SFI1: variants seen among roughly 807,000 people sequenced by gnomAD.
The protein encoded by SFI1 is protein SFI1 homolog.
Under a neutral mutation model 207.5 loss-of-function variants are expected in SFI1, and 195 were observed. That is an observed-to-expected ratio of 0.94 (90% confidence interval 0.84 to 1.06). The LOEUF (loss-of-function observed/expected upper bound fraction) is 1.06. SFI1 is among the 50% of genes least tolerant of loss of function. The pLI, the probability that SFI1 is intolerant of heterozygous loss-of-function variation, is 0.00. For missense variants in SFI1, 1,634 were observed against 1,588.0 expected (o/e 1.03, Z -0.49); for synonymous variants, 630 against 598.9 (o/e 1.05, Z -0.76).
At chr22:31,606,672 G>C (rs1258678201) in intron 21 of SFI1, 8 of 272,450 alleles carry the variant, frequency 2.9e-5, no homozygotes, top group Non-Finnish European at 4.1e-5. Context: ...GTTCTTATCA[G>C]AACCAGTATT....
intron 8 of SFI1, among the ~76,000 whole-genome samples, chr22:31,565,918 C>T (rs2062248112): frequency 6.6e-6 from 1 of 152,038 alleles, no homozygotes; most frequent in Admixed American, 6.6e-5. Context: ...GTTCTTACAC[C>T]TTGGCTTCTT....
At chr22:31,585,040 C>T in intron 13 of SFI1, 28 bp from the exon 14 acceptor site, 3 of 1,606,746 alleles carry the variant, frequency 1.9e-6, no homozygotes, top group Non-Finnish European at 2.6e-6. Flanking sequence ...AAACTTGAAA[C>T]CTGAAGGTGT....
intron 15 of SFI1, among the ~76,000 whole-genome samples, chr22:31,590,951 T>TTTTATTTATTTATTTA (rs200262154): frequency 2.1e-5 from 3 of 144,278 alleles, no homozygotes; most frequent in African/African-American, 7.8e-5. Context: ...ACTTTTTTCT[T>TTTTATTTATTTATTTA]TTTATTTATT....
At chr22:31,574,257 A>T (rs1292786878) in intron 9 of SFI1, among the ~76,000 whole-genome samples, 7 of 152,326 alleles carry the variant, frequency 4.6e-5, no homozygotes, top group African/African-American at 9.6e-5. Flanking sequence ...GAATATGTTC[A>T]TTGGAGGATA....
intron 12 of SFI1, 102 bp downstream of exon 12, chr22:31,580,466 C>A (rs201025262): frequency 2.6e-5 from 13 of 493,866 alleles, no homozygotes; most frequent in East Asian, 9.8e-5. Flanking sequence ...TTTAAAAAAA[C>A]TTTTTGTGCT....
At chr22:31,602,363 C>T (rs1381141115) in intron 16 of SFI1, 70 bp downstream of exon 16, 6 of 1,476,892 alleles carry the variant, frequency 4.1e-6, no homozygotes, top group Non-Finnish European at 5.6e-6. Flanking sequence ...CTCACGGCCT[C>T]CCCTCCTCAG....
At chr22:31,584,953 T>C (rs2064826334) in intron 13 of SFI1, 115 bp from the exon 14 acceptor site, 4 of 667,792 alleles carry the variant, frequency 6.0e-6, no homozygotes, top group African/African-American at 1.8e-5. Flanking sequence ...AGAATGAAAC[T>C]AGTAAGCCCA....
intron 2 of SFI1, among the ~76,000 whole-genome samples, chr22:31,520,609 A>G (rs2057110402): frequency 6.6e-6 from 1 of 152,032 alleles, no homozygotes; most frequent in South Asian, 2.1e-4. Context: ...GGAAAGTAAT[A>G]TATGTACAAA....
At chr22:31,541,708 C>T (rs1342033927) in intron 4 of SFI1, among the ~76,000 whole-genome samples, 11 of 141,980 alleles carry the variant, frequency 7.7e-5, no homozygotes, top group Non-Finnish European at 1.5e-4. Context: ...GGTGCCACTG[C>T]ACTCCAGCCT....
At chr22:31,524,539 C>G (rs1424728701) in intron 2 of SFI1, among the ~76,000 whole-genome samples, 1 of 151,816 alleles carries the variant, frequency 6.6e-6, no homozygotes, top group Non-Finnish European at 1.5e-5. Context: ...CCTCTCAGAT[C>G]AGCCTCCGGA....
At chr22:31,583,647 C>T (rs2064637866) in intron 12 of SFI1, among the ~76,000 whole-genome samples, 3 of 152,282 alleles carry the variant, frequency 2.0e-5, no homozygotes, top group African/African-American at 7.2e-5. Flanking sequence ...TTAGGAATAG[C>T]TTCTTCATCT....
At position 31,585,106 on chromosome 22, in the gene SFI1, A is replaced by G. The variant is rs769521093; in HGVS notation, c.1385A>G (p.Gln462Arg). 19 of 1,614,038 alleles carry G rather than the reference A, an allele frequency of 1.2e-5. No homozygotes were observed. The highest frequency in any genetic ancestry group is 1.6e-4 in the Middle Eastern group (1 of 6,084). The change falls in exon 14 of 33, where the codon CAG becomes CGG. Residue 462 changes from glutamine to arginine, a missense_variant. Transcript: ENST00000400288. ...TGCAAATGTATCGAATTGTGGCTAC[A>G]GTATACTCAGAAGAGGCGGTACAAG... ...LLCKCIELWL[Q>R]YTQKRRYKQL...
At chr22:31,535,768 C>T (rs754334698) in intron 4 of SFI1, among the ~76,000 whole-genome samples, 4 of 152,018 alleles carry the variant, frequency 2.6e-5, no homozygotes, top group Non-Finnish European at 5.9e-5. Context: ...TTTTTAGAGA[C>T]GAGGTCTCGC....
rs764895114 is a variant in SFI1, at chr22:31,607,967, G to A, written c.2188G>A (p.Val730Met). The change falls in exon 22 of 33, where the codon GTG (valine) becomes ATG (methionine). Residue 730 changes from valine (V) to methionine (M), a missense_variant. Physicochemically the swap from Val to Met is conservative, Grantham distance 21. Coordinates refer to ENST00000400288, the MANE Select transcript of SFI1 (RefSeq NM_001007467.3). The stretch of plus-strand genomic sequence containing the variant: ...GGTCCAGTGGCGGGAAGCTGTGTCA[G>A]TGCAGATGTATTACCGACAGCAGGA... ...VLVQWREAVSVQMYYRQQEDC... is the reference protein window; with the variant it reads ...VLVQWREAVSMQMYYRQQEDC... 8.7e-6 allele frequency: 14 copies of A among 1,613,848 alleles called. No homozygotes were observed. In the East Asian group the frequency reaches 2.9e-4, roughly 33 times the overall value.
intron 2 of SFI1, among the ~76,000 whole-genome samples, chr22:31,517,330 C>T (rs1465587218): frequency 6.6e-6 from 1 of 152,046 alleles, no homozygotes; most frequent in East Asian, 1.9e-4. Flanking sequence ...TCACTGCAGC[C>T]TCAACCTCCC....
At chr22:31,529,164 T>C (rs149818051) in intron 3 of SFI1, 132 of 278,054 alleles carry the variant, frequency 4.7e-4, no homozygotes, top group African/African-American at 2.6e-3. Flanking sequence ...ATTCTTTTTT[T>C]CCCCCCAGAT....
At chr22:31,544,590 A>G (rs2059901770) in intron 4 of SFI1, among the ~76,000 whole-genome samples, 1 of 151,996 alleles carries the variant, frequency 6.6e-6, no homozygotes, top group South Asian at 2.1e-4. Context: ...GTGCCTCTAC[A>G]AAAAATAAAA....
At position 31,613,679 on chromosome 22, in the gene SFI1, GCCT is replaced by G. The variant is rs763544865; in HGVS notation, c.2822_2824del (p.Pro941del). 32 of 1,610,426 alleles carry G rather than the reference GCCT, an allele frequency of 2.0e-5. No individual in the cohort carries two copies. In the South Asian group the frequency reaches 3.4e-4, roughly 17 times the overall value. ...AGAAAGTGCTGGGCCGGGGCGGGAA[GCCT>G]CAGCCCCTGGCAGCCATCGCACCCA... On this transcript the variant is annotated inframe_deletion, in exon 27 of 33. Coordinates refer to ENST00000400288, the MANE Select transcript of SFI1 (RefSeq NM_001007467.3).
intron 6 of SFI1, among the ~76,000 whole-genome samples, chr22:31,554,529 T>C (rs1308043437): frequency 1.3e-5 from 2 of 151,688 alleles, no homozygotes; most frequent in African/African-American, 4.8e-5. Flanking sequence ...AGGATGGTCT[T>C]GATCTCCTGA....
Sources: gnomAD v4.1 joint callset for allele counts (sites outside exome capture counted in the v4.1 genomes callset) on GRCh38, gnomAD v4.1.1 for gene constraint, MANE v1.5 for transcripts, NCBI Gene and HGNC (gene_info 2026-07-23, HGNC 2026-07-21) for gene names.